The following TMEM132D variants were observed in gnomAD, a reference collection of about 807,000 sequenced individuals.
The protein encoded by TMEM132D is transmembrane protein 132D.
TMEM132D carries 21 observed loss-of-function variants against 62.3 expected under a neutral mutation model. The observed-to-expected ratio is 0.34, with a 90% CI of 0.24 to 0.49. TMEM132D has a LOEUF of 0.49. TMEM132D is among the 20% of genes least tolerant of loss of function. The probability of loss-of-function intolerance (pLI) is 0.99; values close to 1 mark genes in which losing one functional copy is unlikely to be tolerated. For synonymous variants in TMEM132D, 621 were observed against 575.6 expected, an observed-to-expected ratio of 1.08 and a Z score of -1.13; for missense variants, 1,346 against 1,402.8, an observed-to-expected ratio of 0.96 and a Z score of 0.65.
At chr12:129,325,670 A>G (rs1488867714) in intron 4 of TMEM132D, among the ~76,000 whole-genome samples, 1 of 152,184 alleles carries the variant, frequency 6.6e-6, no homozygotes, top group Non-Finnish European at 1.5e-5. Flanking sequence ...GTAGTTGCTG[A>G]CAAGATTTTA....
chr12:129,159,322 A>C (rs1877331574), intron 5 of TMEM132D, among the ~76,000 whole-genome samples: 1 of 152,138 alleles, frequency 6.6e-6, no homozygotes, highest in South Asian at 2.1e-4. Context: ...AGCTGTGAAA[A>C]CCTGAAACCG....
Position 129,175,752 on chromosome 12 carries a change from C to T in TMEM132D, c.1443+33768G>A, listed in dbSNP as rs550869484. The stretch of plus-strand genomic sequence containing the variant: ...CATCTTGCTGTTGTACCTACTTAGC[C>T]TGTGTAGCTTACATAATTTATTACT... On this transcript the variant is annotated intron_variant, in intron 5 of 8. Coordinates refer to ENST00000422113, the MANE Select transcript of TMEM132D (RefSeq NM_133448.3). Among the ~76,000 whole-genome samples the T allele has an allele frequency of 8.5e-5, 13 of 152,312 alleles. No homozygotes were observed. The South Asian group carries it at 1.7e-3, about 19-fold the overall frequency.
At chr12:129,890,577 A>C (rs1318508694) in intron 1 of TMEM132D, among the ~76,000 whole-genome samples, 1 of 152,206 alleles carries the variant, frequency 6.6e-6, no homozygotes, top group African/African-American at 2.4e-5. Flanking sequence ...AACACAGAAG[A>C]AGCACAATTG....
intron 2 of TMEM132D, among the ~76,000 whole-genome samples, chr12:129,691,660 G>A (rs1565950536): frequency 1.3e-5 from 2 of 152,030 alleles, no homozygotes; most frequent in Non-Finnish European, 2.9e-5. Flanking sequence ...TTGAGGTGAT[G>A]AATATGTTAA....
At chr12:129,843,942 A>AT (rs199923177) in intron 1 of TMEM132D, among the ~76,000 whole-genome samples, 2,231 of 151,630 alleles carry the variant, frequency 0.015, 47 homozygotes, top group African/African-American at 0.042. Flanking sequence ...TAAAAAAAAA[A>AT]TTTTTTTAAT....
chr12:129,732,791 T>C (rs752059462), intron 1 of TMEM132D, among the ~76,000 whole-genome samples: 7 of 152,188 alleles, frequency 4.6e-5, no homozygotes, highest in African/African-American at 7.2e-5. Context: ...ATCAAGACCT[T>C]GATTACAGCA....
chr12:129,194,002 C>T (rs1478588398), intron 5 of TMEM132D, among the ~76,000 whole-genome samples: 1 of 152,212 alleles, frequency 6.6e-6, no homozygotes, highest in East Asian at 1.9e-4. Flanking sequence ...ACTCTAAAGC[C>T]TGACTTTTGG....
At chr12:129,669,490 A>G (rs1271727975) in intron 2 of TMEM132D, among the ~76,000 whole-genome samples, 2 of 152,134 alleles carry the variant, frequency 1.3e-5, no homozygotes, top group African/African-American at 4.8e-5. Flanking sequence ...AGATCACCTG[A>G]GATCAGGAGT....
chr12:129,490,930 C>G (rs754926268), intron 3 of TMEM132D, among the ~76,000 whole-genome samples: 10 of 152,072 alleles, frequency 6.6e-5, no homozygotes, highest in African/African-American at 1.7e-4. Context: ...CTGCCTACCC[C>G]CTACTCTGAT....
At chr12:129,683,663 C>T (rs1294592386) in intron 2 of TMEM132D, among the ~76,000 whole-genome samples, 1 of 152,174 alleles carries the variant, frequency 6.6e-6, no homozygotes, top group Non-Finnish European at 1.5e-5. Flanking sequence ...GCCCACCCCA[C>T]TTCCTCCTTG....
intron 5 of TMEM132D, among the ~76,000 whole-genome samples, chr12:129,197,371 G>A (rs550416747): frequency 1.3e-5 from 2 of 152,272 alleles, no homozygotes; most frequent in South Asian, 2.1e-4. Context: ...TGGGTACCAC[G>A]TATGTGATCT....
intron 1 of TMEM132D, among the ~76,000 whole-genome samples, chr12:129,879,471 GA>G (rs1874527709): frequency 6.6e-6 from 1 of 152,172 alleles, no homozygotes; most frequent in Non-Finnish European, 1.5e-5. Flanking sequence ...AAGTTGCAGA[GA>G]AACCAATTAG....
intron 3 of TMEM132D, among the ~76,000 whole-genome samples, chr12:129,443,951 A>C (rs1336694319): frequency 6.6e-6 from 1 of 152,192 alleles, no homozygotes; most frequent in Non-Finnish European, 1.5e-5. Flanking sequence ...TAAAGGTACA[A>C]TAAGGTCACA....
At chr12:129,679,031 A>C (rs1281679866) in intron 2 of TMEM132D, among the ~76,000 whole-genome samples, 2 of 151,890 alleles carry the variant, frequency 1.3e-5, no homozygotes, top group Non-Finnish European at 2.9e-5. Context: ...AAAAATTATA[A>C]CCCATCTATA....
intron 3 of TMEM132D, among the ~76,000 whole-genome samples, chr12:129,516,608 A>G (rs1875691599): frequency 6.6e-6 from 1 of 152,178 alleles, no homozygotes; most frequent in Non-Finnish European, 1.5e-5. Context: ...TGATTCCATT[A>G]TCTCCCACTG....
At chr12:129,705,378 T>C (rs1409329652) in intron 1 of TMEM132D, among the ~76,000 whole-genome samples, 3 of 152,172 alleles carry the variant, frequency 2.0e-5, no homozygotes, top group Non-Finnish European at 2.9e-5. Flanking sequence ...AAAGAGTAAT[T>C]CTATAAGCAT....
chr12:129,137,890 G>GTTTT (rs10665290), intron 5 of TMEM132D, among the ~76,000 whole-genome samples: 1 of 149,996 alleles, frequency 6.7e-6, no homozygotes, highest in South Asian at 2.1e-4. Flanking sequence ...CAAATAAGAG[G>GTTTT]TTTTTTTTTT....
chr12:129,637,466 C>T (rs557826650), intron 2 of TMEM132D, among the ~76,000 whole-genome samples: 2 of 152,096 alleles, frequency 1.3e-5, no homozygotes, highest in South Asian at 4.2e-4. Flanking sequence ...TGGTTTACTA[C>T]CATCCCCCTT....
At chr12:129,129,762 T>C (rs1876317594) in intron 5 of TMEM132D, among the ~76,000 whole-genome samples, 1 of 152,140 alleles carries the variant, frequency 6.6e-6, no homozygotes, top group African/African-American at 2.4e-5. Context: ...CATCTTTTCA[T>C]GTTCTTGTTG....
Sources: gnomAD v4.1 joint callset for allele counts (sites outside exome capture counted in the v4.1 genomes callset) on GRCh38, gnomAD v4.1.1 for gene constraint, MANE v1.5 for transcripts, NCBI Gene and HGNC (gene_info 2026-07-23, HGNC 2026-07-21) for gene names.